Variants in SLC14A2 observed in about 807,000 individuals in gnomAD.
The protein encoded by SLC14A2 is solute carrier family 14 member 2.
Under a neutral mutation model 104.6 loss-of-function variants are expected in SLC14A2, and 91 were observed. The observed-to-expected ratio is 0.87, with a 90% confidence interval of 0.73 to 1.04. The LOEUF is 1.04. SLC14A2 is among the 50% of genes least tolerant of loss of function. The pLI, the probability that SLC14A2 is intolerant of heterozygous loss-of-function variation, is 0.00. For missense variants in SLC14A2, 1,189 were observed against 1,156.0 expected (o/e 1.03, Z -0.41); for synonymous variants, 476 against 466.4 (o/e 1.02, Z -0.27).
rs1043348841 is a variant in SLC14A2 at position 45,506,925 on chromosome 18, C to A, written c.-35+23603C>A. ...AGTGAGAGGACCTGACTTTCCTCCC[C>A]TGAGGGGAACCTGACTTACCCCCTC... On this transcript the variant is annotated intron_variant, in intron 2 of 20. Transcript: ENST00000586448. 3.3e-5 allele frequency among the ~76,000 whole-genome samples: 5 copies of A among 152,282 alleles called. No individual in the cohort carries two copies. In the South Asian group the frequency reaches 6.2e-4, roughly 19 times the overall value.
chr18:45,596,650 T>C (rs777991135), intron 2 of SLC14A2, among the ~76,000 whole-genome samples: 21 of 152,370 alleles, frequency 1.4e-4, no homozygotes, highest in Middle Eastern at 3.4e-3. Context: ...ATTGTTCACA[T>C]GCAGAATTTC....
chr18:45,183,396 G>T, the SLC14A2 span, among the ~76,000 whole-genome samples: 1 of 152,146 alleles, frequency 6.6e-6, no homozygotes, highest in South Asian at 2.1e-4. Flanking sequence ...ATTTGAATGA[G>T]CCTTGAAGTG....
At chr18:45,289,748 T>C (rs2144162969) in intron 1 of SLC14A2, among the ~76,000 whole-genome samples, 1 of 152,280 alleles carries the variant, frequency 6.6e-6, no homozygotes, top group Non-Finnish European at 1.5e-5. Flanking sequence ...TTCCCCTGGA[T>C]GAAATGTTAA....
rs1337196235 is a variant in SLC14A2, at chr18:45,636,990, C to T, written c.651C>T (p.Cys217=). 1.2e-6 allele frequency: 2 copies of T among 1,613,026 alleles called. No individual in the cohort carries two copies. Among genetic ancestry groups the T allele is most frequent in the African/African-American group, 2.7e-5 (2 of 74,914 alleles). ...LFPVTFTAMS[C]PVLSSALNSI... is the part of the protein sequence containing the mutation. ...AACCCTCTGTCTCTTGCATCTTCAG[C>T]CCAGTTCTTTCTAGTGCCTTGAATT... The change falls in exon 6 of 20, where the codon TGC becomes TGT. Residue 217 remains cysteine (C), a splice_region_variant and synonymous_variant. Transcript: ENST00000255226.
intron 10 of SLC14A2, among the ~76,000 whole-genome samples, chr18:45,654,947 T>C (rs1039371880): frequency 1.3e-5 from 2 of 152,216 alleles, no homozygotes; most frequent in Admixed American, 1.3e-4. Flanking sequence ...ATGTCACCTC[T>C]GGCTAATGAG....
rs113942712 is a variant in SLC14A2 at position 45,300,958 on chromosome 18, C to T, written c.-125+87767C>T. Among the ~76,000 whole-genome samples the T allele has an allele frequency of 1.7e-3, 265 of 152,302 alleles. 1 individual carries two copies. Among genetic ancestry groups the T allele is most frequent in the African/African-American group, 6.1e-3 (253 of 41,568 alleles). On this transcript the variant is annotated intron_variant, in intron 1 of 20. Transcript: ENST00000586448. ...TATCTCTGCTATACCACAGGAGACA[C>T]TGCCTGACTGACAGGAAGGGGAGAT...
intron 1 of SLC14A2, among the ~76,000 whole-genome samples, chr18:45,355,577 CAAAAAAAAAAA>C (rs768389823): frequency 2.0e-5 from 1 of 51,144 alleles, no homozygotes; most frequent in Admixed American, 2.6e-4. Context: ...TACTCTGTCT[CAAAAAAAAAAA>C]AAAAAAAAAA....
rs555414430 is a variant in SLC14A2 at position 45,380,971 on chromosome 18, G to A, written c.-124-102262G>A. On this transcript the variant is annotated intron_variant, in intron 1 of 20. Transcript: ENST00000586448. ...AACTCTGAAGTTGTTTGATAAATAT[G>A]TAGCTCCTTTGTCCAGCTCTAGTCT... 2.0e-5 allele frequency among the ~76,000 whole-genome samples: 3 copies of A among 152,318 alleles called. No individual in the cohort carries two copies. In the South Asian group the frequency reaches 6.2e-4, roughly 32 times the overall value.
At chr18:45,441,720 T>C (rs1340063296) in intron 1 of SLC14A2, among the ~76,000 whole-genome samples, 2 of 152,202 alleles carry the variant, frequency 1.3e-5, no homozygotes, top group Non-Finnish European at 2.9e-5. Flanking sequence ...GGAAGCATTT[T>C]AGGTTTAATC....
chr18:45,345,675 C>A (rs2085440518), intron 1 of SLC14A2, among the ~76,000 whole-genome samples: 1 of 152,184 alleles, frequency 6.6e-6, no homozygotes, highest in Non-Finnish European at 1.5e-5. Context: ...CTATCAATCT[C>A]TTTTAATACA....
chr18:45,548,039 G>A (rs577698028), intron 2 of SLC14A2, among the ~76,000 whole-genome samples: 21 of 152,298 alleles, frequency 1.4e-4, no homozygotes, highest in Non-Finnish European at 2.5e-4. Context: ...CATTCCAAGG[G>A]CCCAGCCTGG....
At chr18:45,648,195 CTTTTTTTTTTT>C (rs59843067) in intron 10 of SLC14A2, among the ~76,000 whole-genome samples, 2 of 101,246 alleles carry the variant, frequency 2.0e-5, no homozygotes, top group Non-Finnish European at 3.9e-5. Flanking sequence ...CTAGTTAATG[CTTTTTTTTTTT>C]TTTTTTTTTT....
intron 2 of SLC14A2, among the ~76,000 whole-genome samples, chr18:45,491,864 T>A (rs1187948451): frequency 6.6e-6 from 1 of 152,126 alleles, no homozygotes; most frequent in African/African-American, 2.4e-5. Context: ...ACCACTGGGG[T>A]CCCAGCCAGC....
chr18:45,419,696 C>G (rs763571017), intron 1 of SLC14A2, among the ~76,000 whole-genome samples: 1 of 151,656 alleles, frequency 6.6e-6, no homozygotes, highest in South Asian at 2.1e-4. Context: ...ATTACTTGAT[C>G]CCAGGAGGCA....
chr18:45,225,415 T>C (rs918217566), intron 1 of SLC14A2, among the ~76,000 whole-genome samples: 1 of 152,164 alleles, frequency 6.6e-6, no homozygotes, highest in African/African-American at 2.4e-5. Flanking sequence ...TAGTTTGAAG[T>C]CAGGTAGCAT....
At chr18:45,634,995 C>T (rs143801531) in intron 5 of SLC14A2, 174 of 322,524 alleles carry the variant, frequency 5.4e-4, no homozygotes, top group Non-Finnish European at 8.6e-4. Flanking sequence ...AAGATAGAGG[C>T]AATATAACTT....
At chr18:45,632,779 A>G (rs1486036516) in intron 5 of SLC14A2, among the ~76,000 whole-genome samples, 2 of 152,068 alleles carry the variant, frequency 1.3e-5, no homozygotes, top group Non-Finnish European at 2.9e-5. Context: ...CTGGGTTCAC[A>G]CCATTCTCCT....
At chr18:45,222,205 C>T (rs369137559) in intron 1 of SLC14A2, among the ~76,000 whole-genome samples, 134 of 152,178 alleles carry the variant, frequency 8.8e-4, no homozygotes, top group Middle Eastern at 3.4e-3. Context: ...TAAATTGGAC[C>T]GTATGAATGT....
intron 1 of SLC14A2, among the ~76,000 whole-genome samples, chr18:45,459,620 G>A (rs1371328447): frequency 2.0e-5 from 3 of 152,138 alleles, no homozygotes; most frequent in Non-Finnish European, 4.4e-5. Flanking sequence ...TGCTATTCCC[G>A]GGGCCTCGCC....
Sources: gnomAD v4.1 joint callset for allele counts (sites outside exome capture counted in the v4.1 genomes callset) on GRCh38, gnomAD v4.1.1 for gene constraint, MANE v1.5 for transcripts, NCBI Gene and HGNC (gene_info 2026-07-23, HGNC 2026-07-21) for gene names.